CAST: variants seen among roughly 807,000 people sequenced by gnomAD.
The protein encoded by CAST is MIR583 host.
Under a neutral mutation model 119.6 loss-of-function variants are expected in CAST, and 76 were observed. The observed-to-expected ratio is 0.64, with a 90% confidence interval of 0.53 to 0.77. CAST has a LOEUF of 0.77. Ranked by LOEUF, CAST falls within the 30% of genes least tolerant of loss-of-function variation. The pLI is 0.00. For synonymous variants in CAST, 319 were observed against 331.6 expected (o/e 0.96, Z 0.41); for missense variants, 953 against 946.5 (o/e 1.01, Z -0.09).
chr5:96,021,596 C>A, the CAST span, among the ~76,000 whole-genome samples: 1 of 152,118 alleles, frequency 6.6e-6, no homozygotes, highest in African/African-American at 2.4e-5. Context: ...CAGGCGCCCG[C>A]CACCACGCCC....
At chr5:96,077,438 T>C in the CAST span, among the ~76,000 whole-genome samples, 3 of 152,216 alleles carry the variant, frequency 2.0e-5, no homozygotes, top group Non-Finnish European at 4.4e-5. Flanking sequence ...TACACATTTT[T>C]CTTTGTGGAT....
At chr5:96,535,698 C>G (rs7730662) in intron 1 of CAST, among the ~76,000 whole-genome samples, 1 of 150,650 alleles carries the variant, frequency 6.6e-6, no homozygotes, top group Non-Finnish European at 1.5e-5. Context: ...CTCAGCCTCT[C>G]GAGTAGCTGG....
the CAST span, among the ~76,000 whole-genome samples, chr5:96,496,364 G>C: frequency 1.3e-5 from 2 of 152,040 alleles, no homozygotes; most frequent in African/African-American, 4.8e-5. Context: ...TCTTTTTGTT[G>C]CATTTAAGGA....
intron 3 of CAST, chr5:96,702,995 T>A (rs1754167974): frequency 4.2e-6 from 4 of 948,454 alleles, no homozygotes; most frequent in Non-Finnish European, 5.0e-6. Context: ...CTACCTGCCC[T>A]GCGTGTCCGG....
At chr5:96,069,765 C>T in the CAST span, among the ~76,000 whole-genome samples, 5 of 147,168 alleles carry the variant, frequency 3.4e-5, no homozygotes, top group Non-Finnish European at 5.9e-5. Flanking sequence ...CTTCCCAATG[C>T]GCTGGGATTA....
Position 96,702,749 on chromosome 5 carries a change from G to A in CAST, c.210+6842G>A. ...GCTCCCGGGGCGGGGCCGCCGGGCAGGGGGGCGGGGAGCATCCTGCGTCGC... is the reference window on the plus strand; with the variant it reads ...GCTCCCGGGGCGGGGCCGCCGGGCAAGGGGGCGGGGAGCATCCTGCGTCGC... On this transcript the variant is annotated intron_variant, in intron 3 of 31. Coordinates refer to ENST00000675179, the MANE Select transcript of CAST (RefSeq NM_001750.7). 5.1e-6 allele frequency: 5 copies of A among 984,458 alleles called. No homozygotes were observed. The South Asian group carries it at 1.9e-4, about 37-fold the overall frequency. 61.0% of individuals were successfully genotyped at this position (984,458 alleles called of 1,614,324 possible).
At chr5:96,214,595 AC>A in the CAST span, among the ~76,000 whole-genome samples, 18 of 152,224 alleles carry the variant, frequency 1.2e-4, no homozygotes, top group African/African-American at 4.1e-4. Context: ...TGTTTGAGAC[AC>A]AGTTCTAGTC....
intron 1 of CAST, among the ~76,000 whole-genome samples, chr5:96,608,896 C>T (rs1233491886): frequency 1.3e-5 from 2 of 152,270 alleles, no homozygotes; most frequent in Non-Finnish European, 2.9e-5. Flanking sequence ...AATTTACTAT[C>T]ACAAGAACAG....
chr5:96,350,165 T>C, the CAST span, among the ~76,000 whole-genome samples: 6 of 152,176 alleles, frequency 3.9e-5, no homozygotes, highest in East Asian at 1.9e-4. Context: ...TCTCCAAAGA[T>C]AATTTTAAGG....
chr5:96,123,077 T>C, the CAST span, among the ~76,000 whole-genome samples: 1 of 152,148 alleles, frequency 6.6e-6, no homozygotes, highest in Non-Finnish European at 1.5e-5. Context: ...ATGGTTGTTG[T>C]TGTTTTATTG....
At chr5:96,079,239 A>C in the CAST span, 1 of 394,552 alleles carries the variant, frequency 2.5e-6, no homozygotes, top group East Asian at 8.7e-5. Flanking sequence ...CCTTCATTTC[A>C]CTCCCTACCC....
At chr5:96,552,430 G>A (rs1367605884) in intron 1 of CAST, among the ~76,000 whole-genome samples, 2 of 152,160 alleles carry the variant, frequency 1.3e-5, no homozygotes, top group Non-Finnish European at 2.9e-5. Context: ...TGTGTAGAGG[G>A]AAATTTATAG....
At chr5:96,231,104 A>C in the CAST span, among the ~76,000 whole-genome samples, 1 of 152,302 alleles carries the variant, frequency 6.6e-6, no homozygotes, top group Admixed American at 6.5e-5. Context: ...TAGATTTACC[A>C]TATGATCTAG....
At chr5:96,512,791 A>T in the CAST span, among the ~76,000 whole-genome samples, 1 of 152,244 alleles carries the variant, frequency 6.6e-6, no homozygotes, top group African/African-American at 2.4e-5. Flanking sequence ...TAATATCAGT[A>T]ATTAAATCTT....
At chr5:96,141,181 T>C in the CAST span, among the ~76,000 whole-genome samples, 1 of 152,114 alleles carries the variant, frequency 6.6e-6, no homozygotes, top group African/African-American at 2.4e-5. Context: ...TTCCTATGTA[T>C]GTAATACATC....
chr5:96,372,982 A>T, the CAST span, among the ~76,000 whole-genome samples: 1 of 152,178 alleles, frequency 6.6e-6, no homozygotes, highest in Non-Finnish European at 1.5e-5. Flanking sequence ...TAATTAGGAT[A>T]TATTAATATC....
the CAST span, among the ~76,000 whole-genome samples, chr5:96,254,711 T>C: frequency 6.6e-6 from 1 of 152,176 alleles, no homozygotes; most frequent in African/African-American, 2.4e-5. Flanking sequence ...AGAGTTATCA[T>C]GTTAGTTACA....
At chr5:96,426,448 C>G in the CAST span, among the ~76,000 whole-genome samples, 2 of 152,160 alleles carry the variant, frequency 1.3e-5, no homozygotes, top group Non-Finnish European at 2.9e-5. Flanking sequence ...AACTCCCTCC[C>G]CTGTGCTTCG....
the CAST span, among the ~76,000 whole-genome samples, chr5:96,221,647 C>T: frequency 6.6e-6 from 1 of 152,092 alleles, no homozygotes; most frequent in Admixed American, 6.5e-5. Flanking sequence ...CACTCATGGA[C>T]TAGAAGAGTC....
Sources: gnomAD v4.1 joint callset for allele counts (sites outside exome capture counted in the v4.1 genomes callset) on GRCh38, gnomAD v4.1.1 for gene constraint, MANE v1.5 for transcripts, NCBI Gene and HGNC (gene_info 2026-07-23, HGNC 2026-07-21) for gene names.